CEL: variants seen among roughly 807,000 people sequenced by gnomAD.
CEL encodes the protein carboxyl ester lipase.
A neutral mutation model predicts 57.1 loss-of-function variants in CEL; 39 were observed. The ratio of observed to expected loss-of-function variants is 0.68; its 90% CI spans 0.53 to 0.89. The LOEUF is 0.89. CEL is among the 40% of genes least tolerant of loss of function. CEL has a pLI of 0.00. For missense variants in CEL, 698 were observed against 915.0 expected, an observed-to-expected ratio of 0.76 and a Z score of 3.06; for synonymous variants, 314 against 396.6, an observed-to-expected ratio of 0.79 and a Z score of 2.48.
intron 7 of CEL, among the ~76,000 whole-genome samples, chr9:133,068,054 C>A (rs1214650247): frequency 6.6e-6 from 1 of 152,234 alleles, no homozygotes; most frequent in Non-Finnish European, 1.5e-5. Flanking sequence ...GTTTACCTGA[C>A]ATGAGCTCAA....
At position 133,069,603 on chromosome 9, in the gene CEL, T is replaced by C. The variant is rs181489782; in HGVS notation, c.1286+344T>C. Among the ~76,000 whole-genome samples the C allele has an allele frequency of 3.2e-4, 48 of 152,072 alleles. No individual in the cohort carries two copies. In the East Asian group the frequency reaches 6.5e-3, roughly 21 times the overall value. On this transcript the variant is annotated intron_variant, in intron 9 of 10. Transcript: ENST00000372080. The stretch of plus-strand genomic sequence containing the variant: ...ACAATAGTTTCTATCCACTGACTCT[T>C]ATGGGCCTCAACTTTGCCCATAATT...
Position 133,067,209 on chromosome 9 carries a change from A to G in CEL, c.895+4A>G. 1 of 1,613,044 alleles carries G rather than the reference A, an allele frequency of 6.2e-7. No homozygotes were observed. Among genetic ancestry groups the G allele is most frequent in the South Asian group, 1.1e-5 (1 of 91,028 alleles). On this transcript the variant is annotated splice_donor_region_variant and intron_variant, in intron 7 of 10. Coordinates refer to ENST00000372080, the MANE Select transcript of CEL (RefSeq NM_001807.6). ...GTGCCGCTGGCAGGCCTGGAGTGTG[A>G]GTAGCTGCTCGGGTTGGCCCATGGG... is the stretch of plus-strand genomic sequence containing the variant.
rs746645542 is a variant in CEL at position 133,065,206 on chromosome 9, G to A, written c.507G>A (p.Gly169=). 6.2e-7 allele frequency: 1 copy of A among 1,613,650 alleles called. No homozygotes were observed. Among genetic ancestry groups the A allele is most frequent in the East Asian group, 2.2e-5 (1 of 44,886 alleles). The stretch of plus-strand genomic sequence containing the variant: ...TCAACTACCGTGTCGGCCCCCTTGG[G>A]TTCCTCAGCACTGGGGACGCCAATC... ...VTFNYRVGPL[G]FLSTGDANLP... is the part of the protein sequence containing the mutation. Residue 169 remains glycine (G), a synonymous_variant, in exon 4 of 11, where the codon GGG becomes GGA. Coordinates refer to ENST00000372080, the MANE Select transcript of CEL (RefSeq NM_001807.6).
rs1402467747 is a variant in CEL at position 133,064,320 on chromosome 9, C to T, written c.67-84C>T. ...TTGAAGCTGTCTTTGCCTCTGGGCA[C>T]GCGGAGTCGGCTTGCCTTGCCCCCT... On this transcript the variant is annotated intron_variant, in intron 1 of 10. Coordinates refer to ENST00000372080, the MANE Select transcript of CEL (RefSeq NM_001807.6). 55 of 1,580,550 alleles carry T rather than the reference C, an allele frequency of 3.5e-5. 2 individuals carry two copies. Among genetic ancestry groups the T allele is most frequent in the South Asian group, 3.1e-4 (28 of 89,608 alleles).
chr9:133,066,958 G>A lies in CEL; in HGVS notation c.777+13G>A. 1 of 1,589,206 alleles carries A rather than the reference G, an allele frequency of 6.3e-7. No individual in the cohort carries two copies. Among genetic ancestry groups the A allele is most frequent in the Non-Finnish European group, 8.6e-7 (1 of 1,157,910 alleles). ...CTGGGCCAAAAAGGTAAACGGAGGAGGGCAGGGCTGGGCGGGGTGGGGGCT... is the reference window on the plus strand; with the variant it reads ...CTGGGCCAAAAAGGTAAACGGAGGAAGGCAGGGCTGGGCGGGGTGGGGGCT... On this transcript the variant is annotated intron_variant, in intron 6 of 10. Coordinates refer to ENST00000372080, the MANE Select transcript of CEL (RefSeq NM_001807.6). The surrounding 1 kb of genome is among the most constrained non-coding windows in gnomAD (Gnocchi z 4.3).
At position 133,070,467 on chromosome 9, in the gene CEL, C is replaced by G; in HGVS notation, c.1293C>G (p.Ala431=). 1 of 1,613,004 alleles carries G rather than the reference C, an allele frequency of 6.2e-7. No individual in the cohort carries two copies. Among genetic ancestry groups the G allele is most frequent in the Non-Finnish European group, 8.5e-7 (1 of 1,179,586 alleles). The stretch of plus-strand genomic sequence containing the variant: ...GGTGGTCTCTCCCCTCCAGGAGTGC[C>G]AAGACCTACGCCTACCTGTTTTCCC... ...LAQHRANAKS[A]KTYAYLFSHP... is the part of the protein sequence containing the mutation. The change falls in exon 10 of 11, where the codon GCC becomes GCG. Residue 431 remains alanine, a synonymous_variant. Coordinates refer to ENST00000372080, the MANE Select transcript of CEL (RefSeq NM_001807.6).
chr9:133,066,936 G>A lies in CEL; in HGVS notation c.768G>A (p.Trp256Ter). 6.4e-7 allele frequency: 1 copy of A among 1,570,740 alleles called. No individual in the cohort carries two copies. The highest frequency in any genetic ancestry group is 8.7e-7 in the Non-Finnish European group (1 of 1,149,700). Residue 256 changes from tryptophan (W) to a stop codon, truncating the protein, a stop_gained, in exon 6 of 11, where the codon TGG becomes TGA. Coordinates refer to ENST00000372080, the MANE Select transcript of CEL (RefSeq NM_001807.6). LOFTEE classifies it high-confidence loss of function. The surrounding 1 kb of genome is among the most constrained non-coding windows in gnomAD (Gnocchi z 4.3). ...PWVIQKNPLF[W>*]AKKVAEKVGC... ...TCATCCAGAAAAACCCACTCTTCTG[G>A]GCCAAAAAGGTAAACGGAGGAGGGC...
intron 1 of CEL, among the ~76,000 whole-genome samples, chr9:133,063,734 G>A (rs1191036089): frequency 2.0e-5 from 3 of 152,142 alleles, no homozygotes; most frequent in African/African-American, 7.2e-5. Context: ...CGTGGGGGTG[G>A]ACAGCTTGGT....
intron 3 of CEL, 36 bp from the exon 4 acceptor site, chr9:133,065,004 G>A: frequency 1.3e-6 from 2 of 1,577,622 alleles, no homozygotes; most frequent in Non-Finnish European, 1.7e-6. Context: ...GGGCCAGGCG[G>A]GGCGTCTGGG....
rs541940470 is a variant in CEL at position 133,064,443 on chromosome 9, G to A, written c.106G>A (p.Val36Ile). ...VYTEGGFVEG[V>I]NKKLGLLGDS... ...CACAGAAGGTGGGTTCGTGGAAGGC[G>A]TCAATAAGAAGCTCGGCCTCCTGGG... is the stretch of plus-strand genomic sequence containing the variant. Residue 36 changes from valine to isoleucine, a missense_variant, in exon 2 of 11, where the codon GTC becomes ATC. Physicochemically the swap from Val to Ile is conservative, Grantham distance 29. Coordinates refer to ENST00000372080, the MANE Select transcript of CEL (RefSeq NM_001807.6). The A allele has an allele frequency of 8.1e-5, 131 of 1,614,140 alleles. 1 individual carries two copies. In the East Asian group the frequency reaches 2.2e-3, roughly 27 times the overall value.
chr9:133,068,334 AAG>A (rs1242059741), intron 7 of CEL, among the ~76,000 whole-genome samples: 1 of 152,026 alleles, frequency 6.6e-6, no homozygotes, highest in African/African-American at 2.4e-5. Flanking sequence ...AGGCCCAGCA[AAG>A]AGAGAGAGGA....
At chr9:133,069,939 C>G (rs1420749353) in intron 9 of CEL, among the ~76,000 whole-genome samples, 2 of 151,958 alleles carry the variant, frequency 1.3e-5, no homozygotes, top group Non-Finnish European at 2.9e-5. Flanking sequence ...CCACTGCACT[C>G]CAGCAGGGGC....
At position 133,066,900 on chromosome 9, in the gene CEL, G is replaced by C. The variant is rs765704794; in HGVS notation, c.732G>C (p.Leu244=). The C allele has an allele frequency of 7.5e-6, 12 of 1,606,534 alleles. No individual in the cohort carries two copies. The Middle Eastern group carries it at 5.0e-4, about 67-fold the overall frequency. ...RRAISQSGVA[L]SPWVIQKNPL... is the part of the protein sequence containing the mutation. ...CCATCAGCCAGAGCGGCGTGGCCCT[G>C]AGTCCCTGGGTCATCCAGAAAAACC... Residue 244 remains leucine, a synonymous_variant, in exon 6 of 11, where the codon CTG becomes CTC. Transcript: ENST00000372080. This position sits in a 1 kb window ranked among gnomAD's most constrained non-coding sequence, Gnocchi z 4.3.
rs370025081 is a variant in CEL, at chr9:133,064,468, G to T, written c.131G>T (p.Gly44Val). Residue 44 changes from glycine to valine, a missense_variant, in exon 2 of 11, where the codon GGT (glycine) becomes GTT (valine). This residue lies in a region of CEL where 327 missense variants were observed against 374.1 expected (regional missense o/e 0.87). Coordinates refer to ENST00000372080, the MANE Select transcript of CEL (RefSeq NM_001807.6). Reference sequence around the variant, plus strand: ...GTCAATAAGAAGCTCGGCCTCCTGGGTGACTCTGTGGACATCTTCAAGGGC... The same window carrying T: ...GTCAATAAGAAGCTCGGCCTCCTGGTTGACTCTGTGGACATCTTCAAGGGC... ...EGVNKKLGLL[G>V]DSVDIFKGIP... 5 of 1,614,186 alleles carry T rather than the reference G, an allele frequency of 3.1e-6. No individual in the cohort carries two copies. The highest frequency in any genetic ancestry group is 4.2e-6 in the Non-Finnish European group (5 of 1,180,020).
At position 133,068,724 on chromosome 9, in the gene CEL, C is replaced by G. The variant is rs1171977242; in HGVS notation, c.948C>G (p.Ile316Met). 3.1e-6 allele frequency: 5 copies of G among 1,607,866 alleles called. No individual in the cohort carries two copies. Among genetic ancestry groups the G allele is most frequent in the Middle Eastern group, 1.7e-4 (1 of 6,034 alleles). ...GFVPVIDGDF[I>M]PADPINLYAN... ...TCCCTGTCATTGATGGAGACTTCAT[C>G]CCCGCTGACCCGATCAACCTGTACG... The change falls in exon 8 of 11, where the codon ATC (isoleucine) becomes ATG (methionine). Residue 316 changes from isoleucine (I) to methionine (M), a missense_variant. Physicochemically the swap from Ile to Met is conservative, Grantham distance 10. Coordinates refer to ENST00000372080, the MANE Select transcript of CEL (RefSeq NM_001807.6).
intron 3 of CEL, 35 bp downstream of exon 3, chr9:133,064,797 C>CA: frequency 6.2e-7 from 1 of 1,613,346 alleles, no homozygotes; most frequent in South Asian, 1.1e-5. Flanking sequence ...GGGACCCTCC[C>CA]ATGCAGCCAC....
intron 1 of CEL, 81 bp downstream of exon 1, chr9:133,062,149 GCCCAGCACAGCCCCGCAGCAGAT>G: frequency 7.3e-7 from 1 of 1,363,694 alleles, no homozygotes; most frequent in Non-Finnish European, 1.0e-6. Flanking sequence ...CTGAGAAAGA[GCCCAGCACAGCCCCGCAGCAGAT>G]CCCGGGCACT....
intron 1 of CEL, among the ~76,000 whole-genome samples, chr9:133,063,597 A>G (rs1456668099): frequency 6.6e-6 from 1 of 152,220 alleles, no homozygotes; most frequent in Non-Finnish European, 1.5e-5. Context: ...GCTGCTGCCC[A>G]AGATGGACAG....
At chr9:133,065,491 C>T (rs1830163613) in intron 4 of CEL, among the ~76,000 whole-genome samples, 2 of 152,042 alleles carry the variant, frequency 1.3e-5, no homozygotes, top group African/African-American at 2.4e-5. Context: ...GTCACTTGAG[C>T]GCAGAAGTTC....
Sources: allele counts gnomAD v4.1 joint callset (sites outside exome capture counted in the v4.1 genomes callset), GRCh38; gene constraint gnomAD v4.1.1; regional missense constraint gnomAD v4.1.1; non-coding constraint Gnocchi (gnomAD v3.1); transcripts MANE v1.5; gene names NCBI Gene and HGNC (gene_info 2026-07-23, HGNC 2026-07-21).